Variants in GRIA4 observed in about 807,000 individuals in gnomAD.
The protein encoded by GRIA4 is glutamate receptor 4.
Under a neutral mutation model 104.0 loss-of-function variants are expected in GRIA4, and 34 were observed. That is an observed-to-expected ratio of 0.33 (90% CI 0.25 to 0.44). GRIA4 has a LOEUF of 0.44. Ranked by LOEUF, GRIA4 falls within the 20% of genes least tolerant of loss-of-function variation. GRIA4 has a pLI of 1.00. For missense variants in GRIA4, 750 were observed against 1,096.5 expected (o/e 0.68, Z 4.46); for synonymous variants, 386 against 381.9 (o/e 1.01, Z -0.13).
chr11:105,718,730 T>A (rs1186601436), intron 3 of GRIA4, among the ~76,000 whole-genome samples: 2 of 152,152 alleles, frequency 1.3e-5, no homozygotes, highest in East Asian at 3.9e-4. Flanking sequence ...GGCCAAAGTT[T>A]ACTGTTAATG....
intron 4 of GRIA4, among the ~76,000 whole-genome samples, chr11:105,834,087 T>A (rs1944085488): frequency 6.6e-6 from 1 of 151,990 alleles, no homozygotes; most frequent in African/African-American, 2.4e-5. Context: ...CACACAAAAT[T>A]ATGTGGTGCC....
At chr11:105,934,691 G>T (rs1947981234) in intron 14 of GRIA4, among the ~76,000 whole-genome samples, 1 of 152,160 alleles carries the variant, frequency 6.6e-6, no homozygotes, top group Non-Finnish European at 1.5e-5. Context: ...GATTAAGTGA[G>T]ACTTTCATTC....
In GRIA4 at chr11:105,706,106, C is replaced by T. The variant is rs533738541; in HGVS notation, c.248-46875C>T. ...CTATAAACTAATACAGAGTAATATC[C>T]AAGATATTTAACTTAAGGAAAAAAA... is the stretch of plus-strand genomic sequence containing the variant. On this transcript the variant is annotated intron_variant, in intron 3 of 16. Coordinates refer to ENST00000282499, the MANE Select transcript of GRIA4 (RefSeq NM_000829.4). 2.0e-5 allele frequency among the ~76,000 whole-genome samples: 3 copies of T among 152,170 alleles called. No individual in the cohort carries two copies. The East Asian group carries it at 5.8e-4, about 29-fold the overall frequency.
intron 4 of GRIA4, among the ~76,000 whole-genome samples, chr11:105,842,465 G>C (rs1944428477): frequency 6.6e-6 from 1 of 152,168 alleles, no homozygotes; most frequent in South Asian, 2.1e-4. Flanking sequence ...GATGGGACTT[G>C]TACTAGGACA....
chr11:105,955,175 G>A (rs974981895), intron 14 of GRIA4, among the ~76,000 whole-genome samples: 14 of 151,776 alleles, frequency 9.2e-5, no homozygotes, highest in African/African-American at 2.9e-4. Flanking sequence ...TAAAAAATGG[G>A]ATATATGTGC....
chr11:105,923,758 AGAT>A (rs1565344947), intron 11 of GRIA4, among the ~76,000 whole-genome samples: 1 of 152,156 alleles, frequency 6.6e-6, no homozygotes, highest in Non-Finnish European at 1.5e-5. Context: ...TTTTAAATGA[AGAT>A]AAAGAAATCA....
chr11:105,627,410 T>A (rs1040635338), intron 3 of GRIA4, among the ~76,000 whole-genome samples: 4 of 152,122 alleles, frequency 2.6e-5, no homozygotes, highest in African/African-American at 9.7e-5. Flanking sequence ...TATGCCATAT[T>A]CTTCCACAGA....
At chr11:105,951,382 A>G (rs1223217084) in intron 14 of GRIA4, among the ~76,000 whole-genome samples, 4 of 152,206 alleles carry the variant, frequency 2.6e-5, no homozygotes, top group Non-Finnish European at 5.9e-5. Flanking sequence ...CTTTAGAATA[A>G]TAATAACCAC....
intron 3 of GRIA4, among the ~76,000 whole-genome samples, chr11:105,651,136 T>C (rs1313401529): frequency 4.6e-5 from 7 of 152,188 alleles, no homozygotes. Context: ...TACTTAACTT[T>C]GGTAAAATAA....
At chr11:105,610,743 A>T (rs1353065557) in intron 1 of GRIA4, 165 bp from the exon 2 acceptor site, 2 of 432,876 alleles carry the variant, frequency 4.6e-6, no homozygotes, top group African/African-American at 2.0e-5. Context: ...CGGACAGAAA[A>T]CCTCTCCCAG....
chr11:105,819,135 C>T (rs1943488264), intron 4 of GRIA4, among the ~76,000 whole-genome samples: 1 of 152,064 alleles, frequency 6.6e-6, no homozygotes, highest in South Asian at 2.1e-4. Flanking sequence ...TTTATGATTT[C>T]AAGAACTAGG....
intron 3 of GRIA4, among the ~76,000 whole-genome samples, chr11:105,668,566 A>C (rs1014096985): frequency 6.6e-6 from 1 of 151,044 alleles, no homozygotes; most frequent in Non-Finnish European, 1.5e-5. Context: ...TTTTTGAGGA[A>C]TTGCTGTGCC....
At position 105,714,809 on chromosome 11, in the gene GRIA4, G is replaced by A. The variant is rs1265883541; in HGVS notation, c.248-38172G>A. Among the ~76,000 whole-genome samples, 8 of 151,878 alleles carry A rather than the reference G, an allele frequency of 5.3e-5. No individual in the cohort carries two copies. In the East Asian group the frequency reaches 1.6e-3, roughly 29 times the overall value. ...TCAGTTGGGACAGACCCAGAAGAGT[G>A]TGTGTGTGTGTTCGTGTGTGTGTGT... On this transcript the variant is annotated intron_variant, in intron 3 of 16. Coordinates refer to ENST00000282499, the MANE Select transcript of GRIA4 (RefSeq NM_000829.4).
intron 14 of GRIA4, among the ~76,000 whole-genome samples, chr11:105,971,616 C>T (rs1858697046): frequency 1.3e-5 from 2 of 152,136 alleles, no homozygotes; most frequent in African/African-American, 2.4e-5. Flanking sequence ...ATGGCTGCCA[C>T]ATTTATGTGG....
rs534333986 is a variant in GRIA4 at position 105,809,711 on chromosome 11, G to A, written c.488-52313G>A. On this transcript the variant is annotated intron_variant, in intron 4 of 16. Coordinates refer to ENST00000282499, the MANE Select transcript of GRIA4 (RefSeq NM_000829.4). ...CTTCTGTCATGATTTTACGTGTCCT[G>A]AGGCCTCCCAAACCATGCAGAACTG... 3.9e-5 allele frequency among the ~76,000 whole-genome samples: 6 copies of A among 152,122 alleles called. No homozygotes were observed. The South Asian group carries it at 1.2e-3, about 32-fold the overall frequency.
In GRIA4 at chr11:105,972,106, A is replaced by G. The variant is rs890830228; in HGVS notation, c.2409+78A>G. On this transcript the variant is annotated intron_variant, in intron 15 of 16. Transcript: ENST00000282499. Reference sequence around the variant, plus strand: ...GAGCAATTGTCAAAAGTATATGGAAACCATAAAAACTGAACATTATACACT... The same window carrying G: ...GAGCAATTGTCAAAAGTATATGGAAGCCATAAAAACTGAACATTATACACT... 9.7e-6 allele frequency: 8 copies of G among 828,784 alleles called. No individual in the cohort carries two copies. In the African/African-American group the frequency reaches 1.4e-4, roughly 14 times the overall value. 51.3% of individuals were successfully genotyped at this position (828,784 alleles called of 1,614,324 possible).
intron 10 of GRIA4, chr11:105,912,706 T>C (rs534328037): frequency 3.2e-6 from 3 of 949,354 alleles, no homozygotes; most frequent in Non-Finnish European, 3.8e-6. Flanking sequence ...TGCATAATCG[T>C]TCAGTAATTC....
chr11:105,679,599 A>C (rs1439779723), intron 3 of GRIA4, among the ~76,000 whole-genome samples: 1 of 152,156 alleles, frequency 6.6e-6, no homozygotes, highest in Non-Finnish European at 1.5e-5. Flanking sequence ...ATGAAATACT[A>C]TGATATAAAG....
rs1952103367 is a variant in GRIA4, at chr11:105,664,380, G to A, written c.247+51946G>A. Among the ~76,000 whole-genome samples, 4 of 150,612 alleles carry A rather than the reference G, an allele frequency of 2.7e-5. No individual in the cohort carries two copies. The Admixed American group carries it at 2.7e-4, about 10-fold the overall frequency. ...AGGACAGAGTAGCTGGTGAGCAAAT[G>A]AGAAAAAGGCATAAGAGATCCAAGA... On this transcript the variant is annotated intron_variant, in intron 3 of 16. Coordinates refer to ENST00000282499, the MANE Select transcript of GRIA4 (RefSeq NM_000829.4).
Sources: allele counts gnomAD v4.1 joint callset (sites outside exome capture counted in the v4.1 genomes callset), GRCh38; gene constraint gnomAD v4.1.1; transcripts MANE v1.5; gene names NCBI Gene and HGNC (gene_info 2026-07-23, HGNC 2026-07-21).